FAT3: variants seen among roughly 807,000 people sequenced by gnomAD.
FAT3 encodes protocadherin Fat 3.
In FAT3, 95 loss-of-function variants were observed where a neutral mutation model predicts 310.2. The ratio of observed to expected loss-of-function variants is 0.31; its 90% CI spans 0.26 to 0.36. The LOEUF (loss-of-function observed/expected upper bound fraction) is 0.36. Among genes scored for constraint, FAT3 ranks in the 10% least tolerant of loss-of-function variants. FAT3 has a pLI of 1.00. For synonymous variants in FAT3, 2,314 were observed against 2,192.9 expected, an observed-to-expected ratio of 1.06 and a Z score of -1.54; for missense variants, 5,408 against 5,715.6, an observed-to-expected ratio of 0.95 and a Z score of 1.74.
At chr11:92,570,498 G>T (rs1388794288) in intron 3 of FAT3, among the ~76,000 whole-genome samples, 1 of 152,038 alleles carries the variant, frequency 6.6e-6, no homozygotes, top group Non-Finnish European at 1.5e-5. Flanking sequence ...CAGTGGAATG[G>T]GCCCTTGTAT....
chr11:92,280,244 T>C (rs922343199), intron 1 of FAT3, among the ~76,000 whole-genome samples: 2 of 152,178 alleles, frequency 1.3e-5, no homozygotes, highest in African/African-American at 4.8e-5. Flanking sequence ...CATACAGATT[T>C]AATATGACAA....
chr11:92,423,903 T>C (rs187131885), intron 2 of FAT3, among the ~76,000 whole-genome samples: 25 of 152,300 alleles, frequency 1.6e-4, no homozygotes, highest in African/African-American at 5.1e-4. Context: ...AGTCTACTGA[T>C]TGTAAATATT....
rs1949964855 is a variant in FAT3 at position 92,893,709 on chromosome 11, G to A, written c.*2596G>A. 1.3e-5 allele frequency: 2 copies of A among 152,270 alleles called. No homozygotes were observed. The highest frequency in any genetic ancestry group is 2.9e-5 in the Non-Finnish European group (2 of 68,014). The allele number at this position is 152,270 out of a possible 1,614,324, so 9.4% of individuals were successfully genotyped here. ...TGATTTTCTGCAGAATAGCTCTGCA[G>A]CTAAATATATACCAGGCAAGCATGT... On this transcript the variant is annotated 3_prime_UTR_variant, in exon 28 of 28. Coordinates refer to ENST00000525166, the MANE Select transcript of FAT3 (RefSeq NM_001367949.2).
intron 3 of FAT3, among the ~76,000 whole-genome samples, chr11:92,571,440 G>C (rs1955661160): frequency 6.6e-6 from 1 of 152,186 alleles, no homozygotes; most frequent in South Asian, 2.1e-4. Context: ...ACAGTCATCA[G>C]GATCCTAACT....
intron 2 of FAT3, among the ~76,000 whole-genome samples, chr11:92,483,948 A>C (rs1034683154): frequency 2.6e-5 from 4 of 152,208 alleles, no homozygotes; most frequent in African/African-American, 9.6e-5. Flanking sequence ...TTCCCACTAG[A>C]TTGCCCACTA....
intron 1 of FAT3, among the ~76,000 whole-genome samples, chr11:92,304,924 T>G (rs1947083367): frequency 1.3e-5 from 2 of 152,166 alleles, no homozygotes; most frequent in South Asian, 4.1e-4. Flanking sequence ...GCATGAAAAC[T>G]AAATGCTAAA....
At chr11:92,245,764 A>C (rs995694890) in intron 1 of FAT3, among the ~76,000 whole-genome samples, 1 of 152,192 alleles carries the variant, frequency 6.6e-6, no homozygotes, top group African/African-American at 2.4e-5. Flanking sequence ...AAAACTGGCT[A>C]CTGGCTGGAT....
intron 2 of FAT3, among the ~76,000 whole-genome samples, chr11:92,504,112 T>A (rs1487362282): frequency 1.3e-5 from 2 of 152,164 alleles, no homozygotes; most frequent in Non-Finnish European, 2.9e-5. Context: ...TTGTAGTTTT[T>A]CATTTTAGAG....
intron 2 of FAT3, among the ~76,000 whole-genome samples, chr11:92,510,082 A>G (rs1953242209): frequency 6.6e-6 from 1 of 152,104 alleles, no homozygotes. Flanking sequence ...TCAGATAGCT[A>G]TTTCTGTGTT....
At chr11:92,313,965 G>A (rs896215538) in intron 1 of FAT3, among the ~76,000 whole-genome samples, 1 of 152,190 alleles carries the variant, frequency 6.6e-6, no homozygotes, top group African/African-American at 2.4e-5. Flanking sequence ...CTGACTGTAT[G>A]GATTTTGATA....
At chr11:92,686,869 A>G (rs1591608147) in intron 3 of FAT3, among the ~76,000 whole-genome samples, 1 of 152,334 alleles carries the variant, frequency 6.6e-6, no homozygotes, top group Non-Finnish European at 1.5e-5. Context: ...TATCTGTCAG[A>G]TGAAAACATG....
chr11:92,519,626 TAA>T (rs1953615693), intron 2 of FAT3, among the ~76,000 whole-genome samples: 1 of 152,088 alleles, frequency 6.6e-6, no homozygotes, highest in Non-Finnish European at 1.5e-5. Context: ...ACTTATCTGA[TAA>T]AGACTCTTAT....
intron 10 of FAT3, among the ~76,000 whole-genome samples, chr11:92,804,434 TGATG>T (rs1437309865): frequency 6.6e-6 from 1 of 152,166 alleles, no homozygotes; most frequent in Non-Finnish European, 1.5e-5. Flanking sequence ...TGTAGCTTAA[TGATG>T]TGGAAAAGTC....
intron 12 of FAT3, 25 bp downstream of exon 12, chr11:92,806,540 T>A (rs1262264026): frequency 1.3e-6 from 2 of 1,523,904 alleles, no homozygotes; most frequent in Admixed American, 4.2e-5. Flanking sequence ...ATTATTGAGA[T>A]AAATGTCATT....
chr11:92,427,166 GGCTC>G (rs1223977050), intron 2 of FAT3, among the ~76,000 whole-genome samples: 2 of 151,956 alleles, frequency 1.3e-5, no homozygotes, highest in African/African-American at 4.8e-5. Flanking sequence ...CTCATGATTT[GGCTC>G]TCTGTCTATT....
At chr11:92,697,197 A>C (rs1370046104) in intron 3 of FAT3, among the ~76,000 whole-genome samples, 187 bp from the exon 4 acceptor site, 2 of 152,160 alleles carry the variant, frequency 1.3e-5, no homozygotes, top group Non-Finnish European at 2.9e-5. Context: ...ACAATTTTTC[A>C]GGTTTTCTTT....
intron 22 of FAT3, among the ~76,000 whole-genome samples, chr11:92,872,020 G>C (rs901126395): frequency 5.3e-5 from 8 of 152,072 alleles, no homozygotes; most frequent in African/African-American, 1.9e-4. Flanking sequence ...GGAGATTTTG[G>C]TAACTCTGAG....
chr11:92,886,791 A>C, intron 24 of FAT3: 1 of 543,204 alleles, frequency 1.8e-6, no homozygotes, highest in African/African-American at 1.9e-5. Flanking sequence ...ACTATGGGCT[A>C]AGGGTTTCGA....
intron 1 of FAT3, among the ~76,000 whole-genome samples, chr11:92,236,310 C>T (rs1203800495): frequency 6.6e-6 from 1 of 151,894 alleles, no homozygotes; most frequent in African/African-American, 2.4e-5. Context: ...CTATGTAAAG[C>T]GAATGTATGA....
Sources: allele counts gnomAD v4.1 joint callset (sites outside exome capture counted in the v4.1 genomes callset), GRCh38; gene constraint gnomAD v4.1.1; transcripts MANE v1.5; gene names NCBI Gene and HGNC (gene_info 2026-07-23, HGNC 2026-07-21).